LRRC49: variants seen among roughly 807,000 people sequenced by gnomAD.
LRRC49 encodes the protein leucine-rich repeat-containing protein 49.
A neutral mutation model predicts 83.3 loss-of-function variants in LRRC49; 50 were observed. The observed-to-expected ratio is 0.60, with a 90% CI of 0.48 to 0.76. The LOEUF (loss-of-function observed/expected upper bound fraction) is 0.76. LRRC49 is among the 30% of genes least tolerant of loss of function. LRRC49 has a pLI of 0.00. For missense variants in LRRC49, 704 were observed against 809.1 expected, an observed-to-expected ratio of 0.87 and a Z score of 1.58; for synonymous variants, 286 against 283.3, an observed-to-expected ratio of 1.01 and a Z score of -0.10.
At chr15:70,941,024 A>C (rs2035795972) in intron 8 of LRRC49, among the ~76,000 whole-genome samples, 1 of 152,206 alleles carries the variant, frequency 6.6e-6, no homozygotes, top group African/African-American at 2.4e-5. Flanking sequence ...ATTTGTTTTC[A>C]TCCATGCTGC....
At chr15:70,879,562 G>A (rs144253227) in intron 2 of LRRC49, among the ~76,000 whole-genome samples, 4 of 152,324 alleles carry the variant, frequency 2.6e-5, no homozygotes, top group Admixed American at 1.3e-4. Context: ...GCTTGCAACC[G>A]TTGTTTTATG....
intron 9 of LRRC49, among the ~76,000 whole-genome samples, chr15:70,969,065 TG>T (rs1332631848): frequency 1.3e-5 from 2 of 152,238 alleles, no homozygotes; most frequent in African/African-American, 4.8e-5. Context: ...CCCATGCCTA[TG>T]TCCTGAATGG....
At chr15:70,977,717 ACATTTC>A (rs1208907912) in intron 9 of LRRC49, among the ~76,000 whole-genome samples, 5 of 152,190 alleles carry the variant, frequency 3.3e-5, no homozygotes, top group African/African-American at 7.2e-5. Flanking sequence ...AAATTACATT[ACATTTC>A]CATTTCCATT....
At chr15:70,882,147 A>C in intron 2 of LRRC49, 1 of 250,054 alleles carries the variant, frequency 4.0e-6, no homozygotes, top group Non-Finnish European at 7.6e-6. Flanking sequence ...AAGCTTAAAC[A>C]AATATTCAAT....
intron 11 of LRRC49, among the ~76,000 whole-genome samples, chr15:70,992,727 T>A (rs1384789956): frequency 2.6e-5 from 4 of 152,210 alleles, no homozygotes; most frequent in African/African-American, 9.6e-5. Flanking sequence ...TGTTGCTGTC[T>A]GATTGTTCCT....
At chr15:70,882,877 T>G in intron 2 of LRRC49, 1 of 1,614,074 alleles carries the variant, frequency 6.2e-7, no homozygotes. Flanking sequence ...AGCATGGGGT[T>G]GGGTTTGCAC....
intron 2 of LRRC49, among the ~76,000 whole-genome samples, chr15:70,883,278 G>T (rs183380034): frequency 2.0e-5 from 3 of 151,620 alleles, no homozygotes; most frequent in Admixed American, 1.3e-4. Context: ...TGCAATCTCC[G>T]CCTGCCGGGT....
intron 5 of LRRC49, among the ~76,000 whole-genome samples, chr15:70,909,254 A>G (rs532065909): frequency 2.0e-5 from 3 of 152,292 alleles, no homozygotes; most frequent in South Asian, 2.1e-4. Flanking sequence ...AATTAATTCA[A>G]TAATATAGGA....
At chr15:71,008,699 T>C in intron 12 of LRRC49, 83 bp downstream of exon 12, 2 of 922,260 alleles carry the variant, frequency 2.2e-6, no homozygotes, top group Non-Finnish European at 3.3e-6. Flanking sequence ...TTTTAACTTG[T>C]ATTTATGTAG....
chr15:70,882,612 ACAGTCTTTTTC>A (rs2033292394), intron 2 of LRRC49: 2 of 1,613,974 alleles, frequency 1.2e-6, no homozygotes, highest in African/African-American at 2.7e-5. Flanking sequence ...GTTGCATTAC[ACAGTCTTTTTC>A]CAAACGCTTT....
At chr15:70,927,355 T>G (rs1257283552) in intron 7 of LRRC49, among the ~76,000 whole-genome samples, 3 of 152,194 alleles carry the variant, frequency 2.0e-5, no homozygotes, top group Non-Finnish European at 4.4e-5. Flanking sequence ...GGTTATCTTT[T>G]TATCATTCTA....
intron 9 of LRRC49, among the ~76,000 whole-genome samples, chr15:70,972,602 C>T (rs11072241): frequency 0.75 from 114,078 of 151,804 alleles, 44,908 homozygotes; most frequent in Non-Finnish European, 0.85. Flanking sequence ...TCCATTCTCC[C>T]CGTCACTTTC....
chr15:70,935,907 G>A (rs909386693), intron 7 of LRRC49, among the ~76,000 whole-genome samples: 1 of 152,086 alleles, frequency 6.6e-6, no homozygotes, highest in East Asian at 1.9e-4. Context: ...CACTTTTCTA[G>A]GTGAATAATA....
intron 1 of LRRC49, among the ~76,000 whole-genome samples, chr15:70,868,513 G>A (rs2032959722): frequency 6.6e-6 from 1 of 152,202 alleles, no homozygotes; most frequent in South Asian, 2.1e-4. Context: ...CTTTCAACTG[G>A]TGGCTCTCAA....
Position 71,018,862 on chromosome 15 carries a change from C to T in LRRC49, c.1703+5949C>T, listed in dbSNP as rs1311614751. On this transcript the variant is annotated intron_variant, in intron 14 of 15. Coordinates refer to ENST00000260382, the MANE Select transcript of LRRC49 (RefSeq NM_017691.5). Reference sequence around the variant, plus strand: ...CAGCTAAGAATTGAGATTCTGACAACCCCCTTCTTGGGGGGTTCTATTAAT... The same window carrying T: ...CAGCTAAGAATTGAGATTCTGACAATCCCCTTCTTGGGGGGTTCTATTAAT... 2.6e-5 allele frequency among the ~76,000 whole-genome samples: 4 copies of T among 152,170 alleles called. No homozygotes were observed. The South Asian group carries it at 6.2e-4, about 24-fold the overall frequency.
intron 7 of LRRC49, among the ~76,000 whole-genome samples, 200 bp downstream of exon 7, chr15:70,919,393 A>T (rs1302580649): frequency 6.6e-6 from 1 of 152,236 alleles, no homozygotes; most frequent in African/African-American, 2.4e-5. Flanking sequence ...TTAAAGAATA[A>T]ATATAATGTT....
At chr15:70,891,491 C>A (rs2033560637), upstream of LRRC49, among the ~76,000 whole-genome samples, 2 of 151,888 alleles carry the variant, frequency 1.3e-5, no homozygotes, top group Non-Finnish European at 2.9e-5. Context: ...TGGAGATTTG[C>A]TCAAATTAAA....
intron 1 of LRRC49, chr15:70,872,880 T>G: frequency 4.3e-6 from 1 of 232,872 alleles, no homozygotes; most frequent in Non-Finnish European, 8.7e-6. Flanking sequence ...AAACTTGACA[T>G]AACTTTTTTT....
Position 70,892,840 on chromosome 15 carries a change from G to A in LRRC49, c.-55G>A, listed in dbSNP as rs879215142. 6.2e-6 allele frequency: 10 copies of A among 1,614,084 alleles called. No homozygotes were observed. The highest frequency in any genetic ancestry group is 8.5e-6 in the Non-Finnish European group (10 of 1,179,994). ...CTCTTTCGGGTCTCTTTGAATCTCC[G>A]CTGTAGCGTCACCTGGAAGGCAGAT... On this transcript the variant is annotated 5_prime_UTR_variant, in exon 1 of 16. Transcript: ENST00000260382.
Sources: gnomAD v4.1 joint callset for allele counts (sites outside exome capture counted in the v4.1 genomes callset) on GRCh38, gnomAD v4.1.1 for gene constraint, MANE v1.5 for transcripts, NCBI Gene and HGNC (gene_info 2026-07-23, HGNC 2026-07-21) for gene names.